Variants in CDH11 observed in about 807,000 individuals in gnomAD.
CDH11 encodes cadherin 11.
CDH11 carries 11 observed loss-of-function variants against 67.8 expected under a neutral mutation model. The ratio of observed to expected loss-of-function variants is 0.16; its 90% CI spans 0.10 to 0.27. CDH11 has a LOEUF of 0.27. Ranked by LOEUF, CDH11 falls within the 10% of genes least tolerant of loss-of-function variation. The pLI, the probability that CDH11 is intolerant of heterozygous loss-of-function variation, is 1.00. For missense variants in CDH11, 847 were observed against 1,031.2 expected (o/e 0.82, Z 2.45); for synonymous variants, 419 against 400.0 (o/e 1.05, Z -0.57).
intron 1 of CDH11, among the ~76,000 whole-genome samples, chr16:65,098,583 C>A (rs1230744167): frequency 1.3e-5 from 2 of 151,998 alleles, no homozygotes; most frequent in African/African-American, 4.8e-5. Flanking sequence ...CCAAGCTGAT[C>A]TCAAACTCCT....
At chr16:65,108,079 G>T (rs1216073629) in intron 1 of CDH11, among the ~76,000 whole-genome samples, 1 of 152,074 alleles carries the variant, frequency 6.6e-6, no homozygotes, top group Non-Finnish European at 1.5e-5. Flanking sequence ...AATAAGAAAA[G>T]GACACTAGGC....
chr16:64,953,603 A>C (rs1026394876), intron 11 of CDH11, among the ~76,000 whole-genome samples: 3 of 152,192 alleles, frequency 2.0e-5, no homozygotes, highest in African/African-American at 7.2e-5. Flanking sequence ...ATAGTAACTG[A>C]AAATGCAGTC....
intron 3 of CDH11, among the ~76,000 whole-genome samples, chr16:65,000,086 T>G (rs1271904173): frequency 6.6e-6 from 1 of 152,228 alleles, no homozygotes; most frequent in Non-Finnish European, 1.5e-5. Flanking sequence ...AGAAAGAATC[T>G]TAAACATCCC....
intron 1 of CDH11, among the ~76,000 whole-genome samples, chr16:65,106,364 C>T (rs1241901462): frequency 6.6e-6 from 1 of 152,146 alleles, no homozygotes; most frequent in Non-Finnish European, 1.5e-5. Context: ...CAATACAAAA[C>T]ATAGAAACCT....
intron 11 of CDH11, 24 bp from the exon 12 acceptor site, chr16:64,951,042 C>T (rs765982483): frequency 6.2e-7 from 1 of 1,604,822 alleles, no homozygotes; most frequent in Non-Finnish European, 8.5e-7. Flanking sequence ...GGAGACAGGC[C>T]GTGCGCCCAG....
intron 2 of CDH11, 65 bp downstream of exon 2, chr16:65,053,739 G>A (rs759338048): frequency 2.2e-6 from 1 of 446,908 alleles, no homozygotes; most frequent in Non-Finnish European, 4.5e-6. Flanking sequence ...AGACCCAGTG[G>A]CATACTTTCC....
At chr16:65,068,413 GAAAAAAAAAAAAAA>G (rs57968272) in intron 1 of CDH11, among the ~76,000 whole-genome samples, 9 of 100,184 alleles carry the variant, frequency 9.0e-5, no homozygotes, top group African/African-American at 3.4e-4. Flanking sequence ...TATGACTACA[GAAAAAAAAAAAAAA>G]AAAAAAAAAA....
chr16:65,013,082 G>C lies in CDH11; in HGVS notation c.-172-8041C>G, dbSNP rs2073215516. Among the ~76,000 whole-genome samples the C allele has an allele frequency of 2.6e-5, 4 of 152,174 alleles. No individual in the cohort carries two copies. The South Asian group carries it at 8.3e-4, about 31-fold the overall frequency. ...TGGTCTCCCATGCATATCTGCAGGGGCTTGTGAGTCTGTGCTGAGAATAAG... is the reference window on the plus strand; with the variant it reads ...TGGTCTCCCATGCATATCTGCAGGGCCTTGTGAGTCTGTGCTGAGAATAAG... On this transcript the variant is annotated intron_variant, in intron 2 of 12. Transcript: ENST00000268603.
chr16:64,946,582 G>A lies in CDH11; in HGVS notation c.*1021C>T, dbSNP rs1170174974. On this transcript the variant is annotated 3_prime_UTR_variant, in exon 13 of 13. Coordinates refer to ENST00000268603, the MANE Select transcript of CDH11 (RefSeq NM_001797.4). ...GTTAACACCAAGAATGTACAAAAAA[G>A]CTTTACATGATGTTACAGAATCTTG... is the stretch of plus-strand genomic sequence containing the variant. 10 of 1,033,326 alleles carry A rather than the reference G, an allele frequency of 9.7e-6. No individual in the cohort carries two copies. The highest frequency in any genetic ancestry group is 5.7e-5 in the Admixed American group (1 of 17,632). The allele number at this position is 1,033,326 out of a possible 1,614,324, so 64.0% of individuals were successfully genotyped here.
At chr16:64,994,958 C>T (rs376953506) in intron 4 of CDH11, among the ~76,000 whole-genome samples, 72 of 152,146 alleles carry the variant, frequency 4.7e-4, no homozygotes, top group African/African-American at 1.6e-3. Flanking sequence ...GTGCGATTCA[C>T]AAGGGCCACA....
intron 2 of CDH11, among the ~76,000 whole-genome samples, chr16:65,023,748 T>C (rs1376380478): frequency 6.6e-6 from 1 of 152,144 alleles, no homozygotes; most frequent in East Asian, 1.9e-4. Flanking sequence ...ATGGCACTGG[T>C]GGGAATGTCT....
chr16:65,041,871 C>T (rs1035431946), intron 2 of CDH11, among the ~76,000 whole-genome samples: 1 of 152,206 alleles, frequency 6.6e-6, no homozygotes, highest in Non-Finnish European at 1.5e-5. Context: ...AACCATTATG[C>T]AGCTGTTGGC....
intron 11 of CDH11, among the ~76,000 whole-genome samples, chr16:64,955,003 T>C (rs531117274): frequency 2.0e-5 from 3 of 150,602 alleles, no homozygotes; most frequent in East Asian, 3.9e-4. Flanking sequence ...TCCCAGCACT[T>C]TGGGAGGCCG....
At chr16:65,104,644 G>A (rs1409479903) in intron 1 of CDH11, among the ~76,000 whole-genome samples, 3 of 152,154 alleles carry the variant, frequency 2.0e-5, no homozygotes, top group East Asian at 1.9e-4. Context: ...TTGGCACTGC[G>A]CTTTTAATCA....
At chr16:65,055,340 C>T (rs909602947) in intron 1 of CDH11, among the ~76,000 whole-genome samples, 2 of 152,174 alleles carry the variant, frequency 1.3e-5, no homozygotes, top group Admixed American at 6.5e-5. Context: ...GGAGAGGGAC[C>T]TCCACCCTGG....
intron 2 of CDH11, among the ~76,000 whole-genome samples, chr16:65,011,901 T>A (rs1179898201): frequency 6.6e-6 from 1 of 152,236 alleles, no homozygotes; most frequent in Non-Finnish European, 1.5e-5. Flanking sequence ...ATCAAAGGCC[T>A]GTATGTAAAC....
At position 64,998,709 on chromosome 16, in the gene CDH11, A is replaced by G; in HGVS notation, c.376T>C (p.Leu126=). ...TCCCTGTCCACCGCCTGAGCCATCA[A>G]CGTGTACTGGGCTCTCTCTTCTCGA... The part of the protein sequence containing the change: ...LDREERAQYT[L]MAQAVDRDTN... Residue 126 remains leucine, a synonymous_variant, in exon 4 of 13, where the codon TTG becomes CTG. Transcript: ENST00000268603. The G allele has an allele frequency of 5.0e-6, 8 of 1,614,020 alleles. No individual in the cohort carries two copies. Among genetic ancestry groups the G allele is most frequent in the African/African-American group, 1.3e-5 (1 of 74,994 alleles).
intron 1 of CDH11, among the ~76,000 whole-genome samples, chr16:65,070,689 C>T (rs531172722): frequency 4.6e-5 from 7 of 152,130 alleles, no homozygotes; most frequent in Non-Finnish European, 1.0e-4. Context: ...AGTGCCAGCA[C>T]CTGGTATAGG....
chr16:65,100,954 T>G (rs1282224798), intron 1 of CDH11, among the ~76,000 whole-genome samples: 1 of 152,152 alleles, frequency 6.6e-6, no homozygotes, highest in Non-Finnish European at 1.5e-5. Flanking sequence ...GCAGTTCTGA[T>G]TAAAATTTAA....
Sources: gnomAD v4.1 joint callset for allele counts (sites outside exome capture counted in the v4.1 genomes callset) on GRCh38, gnomAD v4.1.1 for gene constraint, MANE v1.5 for transcripts, NCBI Gene and HGNC (gene_info 2026-07-23, HGNC 2026-07-21) for gene names.